The following ARHGAP12 variants were observed in gnomAD, a reference collection of about 807,000 sequenced individuals.
ARHGAP12 encodes the protein rho GTPase-activating protein 12.
Under a neutral mutation model 108.6 loss-of-function variants are expected in ARHGAP12, and 64 were observed. The ratio of observed to expected loss-of-function variants is 0.59; its 90% CI spans 0.48 to 0.73. The LOEUF (loss-of-function observed/expected upper bound fraction) is 0.73. Ranked by LOEUF, ARHGAP12 falls within the 30% of genes least tolerant of loss-of-function variation. ARHGAP12 has a pLI of 0.00. For missense variants in ARHGAP12, 940 were observed against 1,005.9 expected, an observed-to-expected ratio of 0.93 and a Z score of 0.89; for synonymous variants, 312 against 337.2, an observed-to-expected ratio of 0.93 and a Z score of 0.82.
chr10:31,855,286 T>G (rs1033200868), intron 4 of ARHGAP12, among the ~76,000 whole-genome samples: 5 of 152,220 alleles, frequency 3.3e-5, no homozygotes, highest in African/African-American at 1.2e-4. Context: ...TATGACTAAA[T>G]GGCAATTTGC....
intron 10 of ARHGAP12, among the ~76,000 whole-genome samples, chr10:31,828,927 G>A (rs901195976): frequency 4.6e-5 from 7 of 152,096 alleles, no homozygotes; most frequent in Admixed American, 3.3e-4. Flanking sequence ...CAAGACGGGC[G>A]GATCACCTGA....
chr10:31,887,348 T>C (rs1240524347), intron 3 of ARHGAP12, among the ~76,000 whole-genome samples: 1 of 152,146 alleles, frequency 6.6e-6, no homozygotes, highest in Admixed American at 6.5e-5. Flanking sequence ...GTTAATCTCA[T>C]ATAAAAAGCA....
Position 31,923,132 on chromosome 10 carries a change from G to GAAAAAAA in ARHGAP12, c.-111+5544_-111+5550dup, listed in dbSNP as rs58930834. Among the ~76,000 whole-genome samples the GAAAAAAA allele has an allele frequency of 3.4e-3, 284 of 83,148 alleles. 12 individuals are homozygous for GAAAAAAA. The highest frequency in any genetic ancestry group is 0.014 in the African/African-American group (249 of 18,072). The allele number at this position is 83,148 out of a possible 152,430, so 54.5% of individuals were successfully genotyped here. On this transcript the variant is annotated intron_variant, in intron 1 of 19. Coordinates refer to ENST00000344936, the MANE Select transcript of ARHGAP12 (RefSeq NM_018287.7). ...GGGTGACAGAGCAAGACCCTAACAGGAAAAAAAAAAAAAAAAAAAACAGGC... is the reference window on the plus strand; with the variant it reads ...GGGTGACAGAGCAAGACCCTAACAGGAAAAAAAAAAAAAAAAAAAAAAAAAAACAGGC...
At chr10:31,846,334 A>G (rs1447200303) in intron 6 of ARHGAP12, among the ~76,000 whole-genome samples, 1 of 152,188 alleles carries the variant, frequency 6.6e-6, no homozygotes, top group Non-Finnish European at 1.5e-5. Flanking sequence ...CATTCCTGAT[A>G]TTGCAAGTTT....
intron 3 of ARHGAP12, among the ~76,000 whole-genome samples, chr10:31,887,718 C>T (rs1237271319): frequency 2.8e-5 from 4 of 145,186 alleles, no homozygotes; most frequent in Non-Finnish European, 4.5e-5. Flanking sequence ...AGTGCAGTGG[C>T]GTGATCTCGC....
At chr10:31,830,085 A>G (rs896809802) in intron 10 of ARHGAP12, among the ~76,000 whole-genome samples, 1 of 152,228 alleles carries the variant, frequency 6.6e-6, no homozygotes, top group Non-Finnish European at 1.5e-5. Flanking sequence ...CTTCAAAAAA[A>G]TATTTGTGTC....
intron 1 of ARHGAP12, among the ~76,000 whole-genome samples, chr10:31,915,422 G>T (rs191379406): frequency 1.3e-5 from 2 of 151,984 alleles, no homozygotes; most frequent in East Asian, 3.9e-4. Flanking sequence ...TAAAATGGTG[G>T]TAACGAGAGG....
chr10:31,824,927 G>C (rs888310652), intron 11 of ARHGAP12, among the ~76,000 whole-genome samples: 5 of 152,074 alleles, frequency 3.3e-5, no homozygotes, highest in African/African-American at 7.2e-5. Flanking sequence ...TAGGAAGAAA[G>C]AAACAATTAC....
intron 1 of ARHGAP12, chr10:31,913,665 G>GA (rs369896407): frequency 1.9e-4 from 27 of 142,930 alleles, no homozygotes; most frequent in Admixed American, 1.2e-3. Flanking sequence ...CATCAAGGCT[G>GA]AAAAAAAAAG....
At chr10:31,868,850 G>T (rs1186941956) in intron 3 of ARHGAP12, among the ~76,000 whole-genome samples, 2 of 151,998 alleles carry the variant, frequency 1.3e-5, no homozygotes, top group Admixed American at 1.3e-4. Flanking sequence ...GATGACTTGA[G>T]CCCAGGAGGT....
intron 2 of ARHGAP12, 72 bp from the exon 3 acceptor site, chr10:31,908,998 A>C (rs1404544618): frequency 2.5e-6 from 2 of 790,724 alleles, no homozygotes; most frequent in Admixed American, 2.9e-5. Flanking sequence ...TTTACTCACA[A>C]GCATCATATA....
rs566088855 is a variant in ARHGAP12, at chr10:31,921,120, T to C, written c.-111+7563A>G. Among the ~76,000 whole-genome samples, 181 of 151,922 alleles carry C rather than the reference T, an allele frequency of 1.2e-3. 1 individual carries two copies. The highest frequency in any genetic ancestry group is 4.1e-3 in the African/African-American group (171 of 41,434). On this transcript the variant is annotated intron_variant, in intron 1 of 19. Transcript: ENST00000344936. ...TGAACTCCTGGTGAGACCCCGTCTC[T>C]ACAAAAACTAAAAAAACTAGCCGGG...
intron 3 of ARHGAP12, among the ~76,000 whole-genome samples, chr10:31,890,344 T>C (rs570569185): frequency 6.9e-4 from 105 of 152,300 alleles, no homozygotes; most frequent in African/African-American, 2.1e-3. Context: ...CTTTCTAAGA[T>C]GATTGGAACT....
chr10:31,883,583 C>T (rs528266860), intron 3 of ARHGAP12, among the ~76,000 whole-genome samples: 11 of 152,306 alleles, frequency 7.2e-5, no homozygotes, highest in Admixed American at 7.2e-4. Flanking sequence ...CTTCCTCTTT[C>T]CATCCTTACC....
chr10:31,816,752 T>C (rs554249782), intron 13 of ARHGAP12, among the ~76,000 whole-genome samples: 2 of 152,252 alleles, frequency 1.3e-5, no homozygotes, highest in East Asian at 3.9e-4. Context: ...ATAGGTAAGA[T>C]TAAATAAGGA....
At chr10:31,891,668 CAG>C (rs1286125569) in intron 3 of ARHGAP12, among the ~76,000 whole-genome samples, 2 of 152,192 alleles carry the variant, frequency 1.3e-5, no homozygotes, top group African/African-American at 4.8e-5. Flanking sequence ...TAATATTCTG[CAG>C]AGTGTTTTCC....
intron 6 of ARHGAP12, among the ~76,000 whole-genome samples, chr10:31,849,253 C>G (rs1297103691): frequency 6.6e-6 from 1 of 151,998 alleles, no homozygotes; most frequent in Admixed American, 6.6e-5. Context: ...CTCAATCCTC[C>G]TTCCTGTCTA....
intron 3 of ARHGAP12, among the ~76,000 whole-genome samples, chr10:31,869,009 C>A (rs1264526190): frequency 6.6e-6 from 1 of 152,142 alleles, no homozygotes; most frequent in Non-Finnish European, 1.5e-5. Context: ...GGCAAACTAG[C>A]CTCTTCAGCC....
In ARHGAP12 at chr10:31,854,152, G is replaced by A. The variant is rs1439129316; in HGVS notation, c.1003C>T (p.Gln335Ter). The change falls in exon 5 of 20, where the codon CAG becomes TAG. Residue 335 changes from glutamine (Q) to a stop codon, truncating the protein, a stop_gained. Transcript: ENST00000344936. LOFTEE classifies it high-confidence loss of function. ...YSTSYSQSDS[Q>*]CGSPPRGWSE... ...CAACCCCTTGGAGGAGAACCACACT[G>A]ACTATCTGACTGGCTGTAAGAAGTG... 8.7e-6 allele frequency: 14 copies of A among 1,613,536 alleles called. No individual in the cohort carries two copies. Among genetic ancestry groups the A allele is most frequent in the Non-Finnish European group, 1.2e-5 (14 of 1,179,828 alleles).
Sources: gnomAD v4.1 joint callset for allele counts (sites outside exome capture counted in the v4.1 genomes callset) on GRCh38, gnomAD v4.1.1 for gene constraint, MANE v1.5 for transcripts, NCBI Gene and HGNC (gene_info 2026-07-23, HGNC 2026-07-21) for gene names.